The following FAM111A variants were observed in gnomAD, a reference collection of about 807,000 sequenced individuals.
The protein encoded by FAM111A is FAM111 trypsin like peptidase A, also known as serine protease FAM111A.
Under a neutral mutation model 3.3 loss-of-function variants are expected in FAM111A, and 8 were observed. The ratio of observed to expected loss-of-function variants is 2.39; its 90% CI spans 1.40 to 4.32. The LOEUF (loss-of-function observed/expected upper bound fraction) is 4.32, where lower values mean the gene tolerates loss of function less well. FAM111A is among the 30% of genes most tolerant of loss of function. FAM111A has a pLI of 0.00. For synonymous variants in FAM111A, 227 were observed against 243.1 expected, an observed-to-expected ratio of 0.93 and a Z score of 0.62; for missense variants, 683 against 727.6, an observed-to-expected ratio of 0.94 and a Z score of 0.71.
rs79009474 is a variant in FAM111A, at chr11:59,149,222, G to A, written c.81+269G>A. 0.022 allele frequency: 7,447 copies of A among 334,512 alleles called. 115 individuals carry two copies. The highest frequency in any genetic ancestry group is 0.036 in the Middle Eastern group (41 of 1,152). 20.7% of individuals were successfully genotyped at this position (334,512 alleles called of 1,614,324 possible). The stretch of plus-strand genomic sequence containing the variant: ...ATAATGACAAGAAAAAAAAAGTCAT[G>A]CACGTTTAGTTCAGGCACACTCATT... On this transcript the variant is annotated intron_variant, in intron 5 of 5. Coordinates refer to ENST00000675163, the MANE Select transcript of FAM111A (RefSeq NM_001312909.2).
At chr11:59,149,035 C>A (rs1425485866) in intron 5 of FAM111A, 82 bp downstream of exon 5, 9 of 947,602 alleles carry the variant, frequency 9.5e-6, no homozygotes, top group Non-Finnish European at 1.5e-5. Context: ...CTCTTGGATA[C>A]CAAAATCCAT....
chr11:59,147,548 C>T (rs986423319), intron 4 of FAM111A, among the ~76,000 whole-genome samples: 1 of 152,176 alleles, frequency 6.6e-6, no homozygotes, highest in African/African-American at 2.4e-5. Flanking sequence ...TCCCTTTAAT[C>T]CCAGAGCTAG....
chr11:59,152,667 G>T lies in FAM111A; in HGVS notation c.999G>T (p.Thr333=), dbSNP rs755864654. ...CATTATTTGAATTGCATAGAACAAC[G>T]TTTGGGAAAGTAACAAAAAATTCTT... is the stretch of plus-strand genomic sequence containing the variant. ...GETLFELHRT[T]FGKVTKNSSS... The change falls in exon 6 of 6, where the codon ACG becomes ACT. Residue 333 remains threonine (T), a synonymous_variant. Transcript: ENST00000675163. 3 of 1,614,090 alleles carry T rather than the reference G, an allele frequency of 1.9e-6. No homozygotes were observed. In the East Asian group the frequency reaches 6.7e-5, roughly 36 times the overall value.
chr11:59,153,259 A>C lies in FAM111A; in HGVS notation c.1591A>C (p.Thr531Pro), dbSNP rs1861943536. The stretch of plus-strand genomic sequence containing the variant: ...AATAGTTCACAACCCTGATGTGATT[A>C]CCTATGACACTGAATTTTTCTTTGG... ...QKIVHNPDVI[T>P]YDTEFFFGAS... Residue 531 changes from threonine to proline, a missense_variant, in exon 6 of 6, where the codon ACC (threonine) becomes CCC (proline). By Grantham distance (38) the Thr-to-Pro change is conservative. This residue lies in a region of FAM111A where 122 missense variants were observed against 110.9 expected (regional missense o/e 1.10). Transcript: ENST00000675163. The C allele has an allele frequency of 1.6e-5, 26 of 1,614,158 alleles. No individual in the cohort carries two copies. Among genetic ancestry groups the C allele is most frequent in the Non-Finnish European group, 2.1e-5 (25 of 1,180,016 alleles).
chr11:59,145,153 G>T (rs576988477), intron 3 of FAM111A: 2 of 152,980 alleles, frequency 1.3e-5, no homozygotes, highest in East Asian at 1.9e-4. Flanking sequence ...CCCTGCCCTT[G>T]CCCCTGGAAA....
At position 59,153,793 on chromosome 11, in the gene FAM111A, C is replaced by A. The variant is rs1267377981; in HGVS notation, c.*289C>A. 4.8e-6 allele frequency: 1 copy of A among 206,662 alleles called. No homozygotes were observed. Among genetic ancestry groups the A allele is most frequent in the Admixed American group, 5.7e-5 (1 of 17,502 alleles). 12.8% of individuals were successfully genotyped at this position (206,662 alleles called of 1,614,324 possible). ...CTCAGCTCACTGCAACTTCCACCTC[C>A]CAGGTTCAAGCGATTCTTATGCCTC... On this transcript the variant is annotated 3_prime_UTR_variant, in exon 6 of 6. Coordinates refer to ENST00000675163, the MANE Select transcript of FAM111A (RefSeq NM_001312909.2).
rs367613694 is a variant in FAM111A, at chr11:59,153,406, T to C, written c.1738T>C (p.Ser580Pro). ...SIIEFGSTME[S>P]ILLDIKQRHK... ...CATTGAGTTTGGCTCTACCATGGAA[T>C]CCATCCTCCTTGATATTAAGCAAAG... is the stretch of plus-strand genomic sequence containing the variant. Residue 580 changes from serine to proline, a missense_variant, in exon 6 of 6, where the codon TCC becomes CCC. By Grantham distance (74) the Ser-to-Pro change is moderately conservative (BLOSUM62 -1). This residue lies in a region of FAM111A where 122 missense variants were observed against 110.9 expected (regional missense o/e 1.10). Transcript: ENST00000675163. 10 of 1,614,112 alleles carry C rather than the reference T, an allele frequency of 6.2e-6. No homozygotes were observed. The highest frequency in any genetic ancestry group is 2.2e-5 in the East Asian group (1 of 44,886).
intron 4 of FAM111A, among the ~76,000 whole-genome samples, chr11:59,147,383 T>C (rs1456957910): frequency 6.6e-6 from 1 of 152,232 alleles, no homozygotes; most frequent in Non-Finnish European, 1.5e-5. Context: ...AGAATGTTAA[T>C]TTCCTGGGCT....
intron 3 of FAM111A, chr11:59,144,225 C>T (rs946144472): frequency 2.0e-5 from 3 of 152,232 alleles, no homozygotes; most frequent in African/African-American, 7.2e-5. Context: ...CCAGCAAGAC[C>T]TAATCAACCT....
intron 4 of FAM111A, among the ~76,000 whole-genome samples, chr11:59,146,434 G>A (rs1248511454): frequency 1.3e-5 from 2 of 152,228 alleles, no homozygotes; most frequent in Non-Finnish European, 2.9e-5. Flanking sequence ...ACCTTAAGGT[G>A]AGGAAAATGA....
rs1590950663 is a variant in FAM111A, at chr11:59,151,749, G to A, written c.82-1G>A. The A allele has an allele frequency of 6.4e-7, 1 of 1,564,842 alleles. No individual in the cohort carries two copies. On this transcript the variant is annotated splice_acceptor_variant, in intron 5 of 5. Transcript: ENST00000675163. LOFTEE classifies it high-confidence loss of function. ...TTAAAGTATCTAACATTTATTTTTA[G>A]GTCTCTAAAGAGCAACAGAATAATT...
chr11:59,145,925 A>G (rs1001790406), intron 4 of FAM111A, 69 bp downstream of exon 4: 1 of 151,620 alleles, frequency 6.6e-6, no homozygotes, highest in Non-Finnish European at 1.5e-5. Flanking sequence ...GACCTATTAC[A>G]TACAGGCAGT....
Position 59,154,855 on chromosome 11 carries a change from C to T in FAM111A, c.*1351C>T, listed in dbSNP as rs908686716. 3.3e-5 allele frequency: 5 copies of T among 153,066 alleles called. No individual in the cohort carries two copies. The highest frequency in any genetic ancestry group is 1.2e-4 in the African/African-American group (5 of 41,422). The allele number at this position is 153,066 out of a possible 1,614,324, so 9.5% of individuals were successfully genotyped here. ...GTACAGATAACCCCTCATAAAGATG[C>T]TTATCTAACCTCCCCAGTGTTCAGG... On this transcript the variant is annotated 3_prime_UTR_variant, in exon 6 of 6. Coordinates refer to ENST00000675163, the MANE Select transcript of FAM111A (RefSeq NM_001312909.2).
Position 59,148,674 on chromosome 11 carries a change from A to T in FAM111A, c.-76-123A>T, listed in dbSNP as rs527942312. 1.1e-5 allele frequency: 6 copies of T among 534,346 alleles called. No individual in the cohort carries two copies. The South Asian group carries it at 1.7e-4, about 15-fold the overall frequency. 33.1% of individuals were successfully genotyped at this position (534,346 alleles called of 1,614,324 possible). On this transcript the variant is annotated intron_variant, in intron 4 of 5. Coordinates refer to ENST00000675163, the MANE Select transcript of FAM111A (RefSeq NM_001312909.2). ...GAGCTTTTATTGTTAAGGTGATTAT[A>T]GTTGGTGAATAAACTATCTATTTGC...
At chr11:59,146,322 G>A (rs1264282054) in intron 4 of FAM111A, among the ~76,000 whole-genome samples, 1 of 152,194 alleles carries the variant, frequency 6.6e-6, no homozygotes, top group East Asian at 1.9e-4. Flanking sequence ...GACTTCAAGT[G>A]ATCCATCAGC....
At position 59,152,954 on chromosome 11, in the gene FAM111A, C is replaced by A. The variant is rs771954122; in HGVS notation, c.1286C>A (p.Pro429His). 1.8e-5 allele frequency: 29 copies of A among 1,613,960 alleles called. No homozygotes were observed. Among genetic ancestry groups the A allele is most frequent in the Non-Finnish European group, 2.4e-5 (28 of 1,180,000 alleles). ...GAAACAAACTACTTTTTTGTTGAAC[C>A]TTGGTTTGAGATACATAATGAAGAG... ...DKETNYFFVE[P>H]WFEIHNEELD... The change falls in exon 6 of 6, where the codon CCT (proline) becomes CAT (histidine). Residue 429 changes from proline (P) to histidine (H), a missense_variant. By Grantham distance (77) the Pro-to-His change is moderately conservative. Coordinates refer to ENST00000675163, the MANE Select transcript of FAM111A (RefSeq NM_001312909.2).
At chr11:59,150,193 T>C (rs1296805146) in intron 5 of FAM111A, among the ~76,000 whole-genome samples, 1 of 152,168 alleles carries the variant, frequency 6.6e-6, no homozygotes, top group African/African-American at 2.4e-5. Flanking sequence ...AGTACTCTAA[T>C]AGGGTGCATG....
chr11:59,147,619 A>C (rs1412809644), intron 4 of FAM111A, among the ~76,000 whole-genome samples: 1 of 152,094 alleles, frequency 6.6e-6, no homozygotes, highest in Non-Finnish European at 1.5e-5. Flanking sequence ...CCTCCCCTCC[A>C]TGCATGAATG....
chr11:59,148,954 G>A lies in FAM111A; in HGVS notation c.81+1G>A, dbSNP rs996690957. 6.2e-7 allele frequency: 1 copy of A among 1,604,620 alleles called. No individual in the cohort carries two copies. Among genetic ancestry groups the A allele is most frequent in the Non-Finnish European group, 8.5e-7 (1 of 1,171,632 alleles). On this transcript the variant is annotated splice_donor_variant, in intron 5 of 5. Transcript: ENST00000675163. LOFTEE classifies it high-confidence loss of function. Reference sequence around the variant, plus strand: ...GAAAATCGAGCACTATTTTTCTCCGGTATGTCTGTAAATTCTACTTATGTA... The same window carrying A: ...GAAAATCGAGCACTATTTTTCTCCGATATGTCTGTAAATTCTACTTATGTA...
Sources: gnomAD v4.1 joint callset for allele counts (sites outside exome capture counted in the v4.1 genomes callset) on GRCh38, gnomAD v4.1.1 for gene constraint, gnomAD v4.1.1 regional missense constraint, MANE v1.5 for transcripts, NCBI Gene and HGNC (gene_info 2026-07-23, HGNC 2026-07-21) for gene names.